Variants in DGKD observed in about 807,000 individuals in gnomAD.
DGKD encodes diacylglycerol kinase delta.
In DGKD, 68 loss-of-function variants were observed where a neutral mutation model predicts 154.4. The observed-to-expected ratio is 0.44, with a 90% CI of 0.36 to 0.54. The LOEUF (loss-of-function observed/expected upper bound fraction) is 0.54. DGKD is among the 20% of genes least tolerant of loss of function. DGKD has a pLI of 0.00. For synonymous variants in DGKD, 693 were observed against 638.0 expected, an observed-to-expected ratio of 1.09 and a Z score of -1.30; for missense variants, 1,343 against 1,593.6, an observed-to-expected ratio of 0.84 and a Z score of 2.68.
chr2:233,400,758 T>TAGA (rs1229001292), intron 3 of DGKD, among the ~76,000 whole-genome samples: 1 of 152,164 alleles, frequency 6.6e-6, no homozygotes, highest in African/African-American at 2.4e-5. Flanking sequence ...AGGCCTGAGC[T>TAGA]GCTGTTCCCG....
chr2:233,429,781 C>T (rs931936908), intron 3 of DGKD, among the ~76,000 whole-genome samples: 4 of 152,372 alleles, frequency 2.6e-5, no homozygotes, highest in South Asian at 2.1e-4. Flanking sequence ...GTCTCTCCTT[C>T]GCCCTCACTC....
rs536660707 is a variant in DGKD at position 233,471,748 on chromosome 2, C to T, written c.*2288C>T. The T allele has an allele frequency of 6.6e-6, 1 of 152,396 alleles. No homozygotes were observed. Among genetic ancestry groups the T allele is most frequent in the Non-Finnish European group, 1.5e-5 (1 of 68,050 alleles). The allele number at this position is 152,396 out of a possible 1,614,324, so 9.4% of individuals were successfully genotyped here. A position where few individuals can be genotyped will look rare whatever the true frequency, so the allele number is the denominator to read the frequency against. On this transcript the variant is annotated 3_prime_UTR_variant, in exon 30 of 30. Transcript: ENST00000264057. ...AGTTAGAATGTGAGGAAGGAATGAA[C>T]ATGAGTGTTTAGGAACCTGCCCTTT...
chr2:233,395,564 CTTTCT>C (rs201590976), intron 3 of DGKD, among the ~76,000 whole-genome samples: 12 of 151,508 alleles, frequency 7.9e-5, no homozygotes, highest in Non-Finnish European at 1.6e-4. Flanking sequence ...TTTCTTTTTC[CTTTCT>C]TTTCTTTTCT....
At chr2:233,389,385 G>A (rs1405644359) in intron 2 of DGKD, among the ~76,000 whole-genome samples, 1 of 152,328 alleles carries the variant, frequency 6.6e-6, no homozygotes, top group Non-Finnish European at 1.5e-5. Flanking sequence ...ACACCAGTGT[G>A]TTGGCTGGGA....
intron 10 of DGKD, among the ~76,000 whole-genome samples, chr2:233,443,027 C>G (rs1393507647): frequency 6.6e-6 from 1 of 152,212 alleles, no homozygotes; most frequent in African/African-American, 2.4e-5. Context: ...CAGCTCACCT[C>G]CATGTGTGAG....
At chr2:233,388,391 C>A in intron 2 of DGKD, 24 bp downstream of exon 2, 1 of 1,599,354 alleles carries the variant, frequency 6.3e-7, no homozygotes, top group South Asian at 1.1e-5. Flanking sequence ...CAGGAAAGCA[C>A]ACGCGAGGAC....
chr2:233,383,212 T>G (rs1702993232), intron 1 of DGKD, among the ~76,000 whole-genome samples: 1 of 152,120 alleles, frequency 6.6e-6, no homozygotes, highest in Non-Finnish European at 1.5e-5. Context: ...AGCTAATTTT[T>G]GTATTTTTAG....
intron 27 of DGKD, 87 bp downstream of exon 27, chr2:233,464,370 T>C: frequency 6.5e-7 from 1 of 1,545,306 alleles, no homozygotes; most frequent in Non-Finnish European, 8.9e-7. Context: ...CCCGTGTGGC[T>C]CTGGGATCAA....
chr2:233,417,867 A>G (rs996634371), intron 3 of DGKD, among the ~76,000 whole-genome samples: 5 of 152,086 alleles, frequency 3.3e-5, no homozygotes, highest in Non-Finnish European at 7.4e-5. Context: ...TGCTGCTGAC[A>G]CCTAGTTGGT....
chr2:233,428,823 GTCTC>G (rs1401970694), intron 3 of DGKD, among the ~76,000 whole-genome samples: 2 of 152,222 alleles, frequency 1.3e-5, no homozygotes, highest in East Asian at 1.9e-4. Flanking sequence ...TCAGATCTGG[GTCTC>G]TCTCAGGCTT....
Position 233,454,903 on chromosome 2 carries a change from C to T in DGKD, c.2375+30C>T, listed in dbSNP as rs1378785358. ...GTAACAGGCTCAGGAGCACGTCTGT[C>T]TTTTGCGTCTTTGTGGCTTCTCCTT... On this transcript the variant is annotated intron_variant, in intron 19 of 29. Coordinates refer to ENST00000264057, the MANE Select transcript of DGKD (RefSeq NM_152879.3). 3 of 1,396,566 alleles carry T rather than the reference C, an allele frequency of 2.1e-6. No homozygotes were observed. In the African/African-American group the frequency reaches 4.3e-5, roughly 20 times the overall value. The allele number at this position is 1,396,566 out of a possible 1,614,324, so 86.5% of individuals were successfully genotyped here.
At chr2:233,467,757 A>G (rs2124970498) in intron 28 of DGKD, among the ~76,000 whole-genome samples, 1 of 152,226 alleles carries the variant, frequency 6.6e-6, no homozygotes, top group East Asian at 1.9e-4. Context: ...CAGTGCTGTC[A>G]GGGGCTGGAG....
chr2:233,464,395 G>C (rs1278291641), intron 27 of DGKD, 112 bp downstream of exon 27: 6 of 1,414,312 alleles, frequency 4.2e-6, no homozygotes, highest in Non-Finnish European at 5.8e-6. Flanking sequence ...GTGTCGCTCC[G>C]GCAGCCCCTG....
intron 1 of DGKD, among the ~76,000 whole-genome samples, chr2:233,357,963 A>G (rs774671772): frequency 2.6e-5 from 4 of 152,242 alleles, no homozygotes; most frequent in Non-Finnish European, 4.4e-5. Flanking sequence ...ATAATTCTTC[A>G]GGTTATAGAT....
rs766370089 is a variant in DGKD, at chr2:233,450,926, G to A, written c.2043G>A (p.Ser681=). ...TTTTCTGCTGTGTTGTTACAGTGTCGAAATCTCCGTGTGAAAAGCTGATCA... is the reference window on the plus strand; with the variant it reads ...TTTTCTGCTGTGTTGTTACAGTGTCAAAATCTCCGTGTGAAAAGCTGATCA... The part of the protein sequence containing the change: ...VPKGRSQRKV[S]KSPCEKLISK... The change falls in exon 17 of 30, where the codon TCG becomes TCA. Residue 681 remains serine, a synonymous_variant. Coordinates refer to ENST00000264057, the MANE Select transcript of DGKD (RefSeq NM_152879.3). 19 of 1,600,248 alleles carry A rather than the reference G, an allele frequency of 1.2e-5. No homozygotes were observed. The highest frequency in any genetic ancestry group is 6.6e-5 in the South Asian group (6 of 90,794).
chr2:233,453,706 A>G (rs1055732450), intron 18 of DGKD, among the ~76,000 whole-genome samples: 1 of 151,956 alleles, frequency 6.6e-6, no homozygotes, highest in African/African-American at 2.4e-5. Flanking sequence ...CCCTTCATCC[A>G]CTTGCCCTCG....
intron 17 of DGKD, 92 bp from the exon 18 acceptor site, chr2:233,451,872 A>G (rs1215693732): frequency 2.9e-6 from 3 of 1,052,076 alleles, no homozygotes; most frequent in Non-Finnish European, 4.3e-6. Context: ...AACGTTCTGC[A>G]GAATACCGGT....
intron 3 of DGKD, among the ~76,000 whole-genome samples, chr2:233,415,330 G>T (rs534927315): frequency 1.3e-5 from 2 of 152,228 alleles, no homozygotes; most frequent in South Asian, 2.1e-4. Flanking sequence ...TTGGTTATGA[G>T]ATGCCTGCAG....
At chr2:233,396,519 T>C (rs907415206) in intron 3 of DGKD, among the ~76,000 whole-genome samples, 4 of 152,104 alleles carry the variant, frequency 2.6e-5, no homozygotes, top group African/African-American at 7.2e-5. Flanking sequence ...GATAAGCACA[T>C]ACATAGAACC....
Sources: gnomAD v4.1 joint callset for allele counts (sites outside exome capture counted in the v4.1 genomes callset) on GRCh38, gnomAD v4.1.1 for gene constraint, MANE v1.5 for transcripts, NCBI Gene and HGNC (gene_info 2026-07-23, HGNC 2026-07-21) for gene names.